The following RAB31 variants were observed in gnomAD, a reference collection of about 807,000 sequenced individuals.
The protein encoded by RAB31 is RAB31, member RAS oncogene family.
A neutral mutation model predicts 25.6 loss-of-function variants in RAB31; 21 were observed. The ratio of observed to expected loss-of-function variants is 0.82; its 90% CI spans 0.58 to 1.18. RAB31 has a LOEUF of 1.18. Among genes scored for constraint, RAB31 ranks in the 50% most tolerant of loss-of-function variants. The pLI, the probability that RAB31 is intolerant of heterozygous loss-of-function variation, is 0.00. For missense variants in RAB31, 196 were observed against 250.1 expected, an observed-to-expected ratio of 0.78 and a Z score of 1.46; for synonymous variants, 87 against 84.0, an observed-to-expected ratio of 1.04 and a Z score of -0.20.
chr18:9,765,788 T>C (rs1326172161), intron 1 of RAB31, among the ~76,000 whole-genome samples: 1 of 152,122 alleles, frequency 6.6e-6, no homozygotes, highest in African/African-American at 2.4e-5. Flanking sequence ...GGGAGTTCAC[T>C]GGTAGTTTGA....
chr18:9,725,754 A>G (rs1008560584), intron 1 of RAB31, among the ~76,000 whole-genome samples: 10 of 152,228 alleles, frequency 6.6e-5, no homozygotes, highest in African/African-American at 1.9e-4. Flanking sequence ...AATTCCCACA[A>G]TGTTAGGGTC....
At position 9,708,575 on chromosome 18, in the gene RAB31, C is replaced by T; in HGVS notation, c.39+131C>T. 1 of 798,086 alleles carries T rather than the reference C, an allele frequency of 1.3e-6. No homozygotes were observed. Among genetic ancestry groups the T allele is most frequent in the Non-Finnish European group, 1.8e-6 (1 of 557,644 alleles). The allele number at this position is 798,086 out of a possible 1,614,324, so 49.4% of individuals were successfully genotyped here. On this transcript the variant is annotated intron_variant, in intron 1 of 6. Transcript: ENST00000578921. This position sits in a 1 kb window ranked among gnomAD's most constrained non-coding sequence, Gnocchi z 6.4. ...CACCCCTCTCGTAGCCCCCGTCCCCCTCGTCCGCGCGCCCCCTGGTTCCCC... is the reference window on the plus strand; with the variant it reads ...CACCCCTCTCGTAGCCCCCGTCCCCTTCGTCCGCGCGCCCCCTGGTTCCCC...
intron 5 of RAB31, among the ~76,000 whole-genome samples, chr18:9,838,802 G>A (rs947171312): frequency 6.6e-6 from 1 of 152,146 alleles, no homozygotes. Context: ...CTCAGAGGAG[G>A]CTCCCTTTCA....
intron 1 of RAB31, among the ~76,000 whole-genome samples, chr18:9,739,620 T>G (rs961215254): frequency 4.6e-5 from 7 of 152,142 alleles, no homozygotes; most frequent in African/African-American, 7.2e-5. Flanking sequence ...TTTTTAAGTT[T>G]CTTAGATACA....
intron 1 of RAB31, among the ~76,000 whole-genome samples, chr18:9,773,149 G>A (rs2068354060): frequency 6.6e-6 from 1 of 152,108 alleles, no homozygotes. Flanking sequence ...TTCTGGAGAG[G>A]GGTTTTCTGA....
chr18:9,740,347 T>C (rs565771206), intron 1 of RAB31, among the ~76,000 whole-genome samples: 1 of 152,362 alleles, frequency 6.6e-6, no homozygotes, highest in South Asian at 2.1e-4. Flanking sequence ...AGAGCCTGAT[T>C]TAATTTGCAT....
In RAB31 at chr18:9,860,537, C is replaced by T. The variant is rs1065559; in HGVS notation, c.*1212C>T. On this transcript the variant is annotated 3_prime_UTR_variant, in exon 7 of 7. Coordinates refer to ENST00000578921, the MANE Select transcript of RAB31 (RefSeq NM_006868.4). ...CCAAAGGAAGTCAAGGAAGAAAAAG[C>T]ATGGAAAGGAAGAGAACTGATTCCT... 0.49 allele frequency: 74,505 copies of T among 151,502 alleles called. 18,644 individuals are homozygous for T. The highest frequency in any genetic ancestry group is 0.68 in the East Asian group (3,506 of 5,140). 9.4% of individuals were successfully genotyped at this position (151,502 alleles called of 1,614,324 possible).
rs1370172035 is a variant in RAB31 at position 9,845,642 on chromosome 18, G to A, written c.441G>A (p.Glu147=). Residue 147 remains glutamate (E), a synonymous_variant, in exon 6 of 7, where the codon GAG becomes GAA. Coordinates refer to ENST00000578921, the MANE Select transcript of RAB31 (RefSeq NM_006868.4). ...YAESIGAIVV[E]TSAKNAINIE... is the part of the protein sequence containing the mutation. ...AATCCATAGGTGCCATCGTGGTTGA[G>A]ACAAGTGCAAAAAATGCTATTAATA... 1 of 1,569,218 alleles carries A rather than the reference G, an allele frequency of 6.4e-7. No homozygotes were observed. Among genetic ancestry groups the A allele is most frequent in the South Asian group, 1.2e-5 (1 of 84,724 alleles).
intron 6 of RAB31, among the ~76,000 whole-genome samples, chr18:9,852,902 C>T (rs1001506864): frequency 2.0e-4 from 30 of 152,214 alleles, no homozygotes; most frequent in African/African-American, 5.1e-4. Flanking sequence ...TTGGTACCGT[C>T]GGTTTGTAAA....
At chr18:9,820,730 G>C (rs2068620888) in intron 5 of RAB31, among the ~76,000 whole-genome samples, 1 of 151,908 alleles carries the variant, frequency 6.6e-6, no homozygotes, top group Non-Finnish European at 1.5e-5. Context: ...TTTGTATAAG[G>C]TCAGTAGTGA....
intron 1 of RAB31, among the ~76,000 whole-genome samples, chr18:9,722,365 G>A (rs2068077465): frequency 6.6e-6 from 1 of 152,180 alleles, no homozygotes; most frequent in East Asian, 1.9e-4. Context: ...CATGTAAGCT[G>A]TGTTTTGAAG....
chr18:9,814,899 C>A, intron 4 of RAB31: 1 of 374,842 alleles, frequency 2.7e-6, no homozygotes, highest in Admixed American at 4.4e-5. Context: ...ATTTTCTTAA[C>A]TAGATCAAGT....
chr18:9,828,763 T>G (rs555976416), intron 5 of RAB31, among the ~76,000 whole-genome samples: 1 of 152,298 alleles, frequency 6.6e-6, no homozygotes, highest in African/African-American at 2.4e-5. Context: ...GAATTTGAAA[T>G]GCTGGACCTT....
At chr18:9,744,727 A>G (rs1204544510) in intron 1 of RAB31, among the ~76,000 whole-genome samples, 6 of 152,152 alleles carry the variant, frequency 3.9e-5, no homozygotes. Flanking sequence ...CTCATAAACA[A>G]CCAATAGTCA....
chr18:9,759,864 C>A (rs1463917705), intron 1 of RAB31, among the ~76,000 whole-genome samples: 1 of 152,032 alleles, frequency 6.6e-6, no homozygotes, highest in Non-Finnish European at 1.5e-5. Flanking sequence ...GTGCTGGGGG[C>A]TCTGACAGAT....
At chr18:9,851,018 A>T (rs2068786618) in intron 6 of RAB31, among the ~76,000 whole-genome samples, 1 of 152,242 alleles carries the variant, frequency 6.6e-6, no homozygotes. Flanking sequence ...ATTTGTTCAC[A>T]GAGTGTTGTG....
intron 1 of RAB31, among the ~76,000 whole-genome samples, chr18:9,743,024 T>C (rs2068187767): frequency 6.6e-6 from 1 of 152,174 alleles, no homozygotes; most frequent in East Asian, 1.9e-4. Flanking sequence ...GTAGCAAACA[T>C]GGTTTGGACT....
At chr18:9,847,473 T>G (rs1039829345) in intron 6 of RAB31, among the ~76,000 whole-genome samples, 4 of 152,238 alleles carry the variant, frequency 2.6e-5, no homozygotes, top group African/African-American at 9.6e-5. Context: ...CTGCACCAGC[T>G]GGGAAGCTTT....
chr18:9,824,349 G>A (rs536946686), intron 5 of RAB31, among the ~76,000 whole-genome samples: 1 of 146,732 alleles, frequency 6.8e-6, no homozygotes, highest in East Asian at 2.0e-4. Context: ...TGTGTGTGTA[G>A]ATGTGTGTAT....
Sources: allele counts gnomAD v4.1 joint callset (sites outside exome capture counted in the v4.1 genomes callset), GRCh38; gene constraint gnomAD v4.1.1; non-coding constraint Gnocchi (gnomAD v3.1); transcripts MANE v1.5; gene names NCBI Gene and HGNC (gene_info 2026-07-23, HGNC 2026-07-21).